Variants in ACTR3C observed in about 807,000 individuals in gnomAD.
The protein encoded by ACTR3C is actin-related protein 3C.
A neutral mutation model predicts 26.3 loss-of-function variants in ACTR3C; 18 were observed. That is an observed-to-expected ratio of 0.68 (90% CI 0.47 to 1.01). The LOEUF (loss-of-function observed/expected upper bound fraction) is 1.01. ACTR3C is among the 50% of genes least tolerant of loss of function. The pLI, the probability that ACTR3C is intolerant of heterozygous loss-of-function variation, is 0.00. For synonymous variants in ACTR3C, 55 were observed against 94.5 expected (o/e 0.58, Z 2.42); for missense variants, 184 against 250.7 (o/e 0.73, Z 1.80).
the ACTR3C span, among the ~76,000 whole-genome samples, chr7:150,120,167 CAAAA>C: frequency 8.0e-3 from 1,213 of 152,070 alleles, 14 homozygotes; most frequent in African/African-American, 0.027. Context: ...ACTCCACAAT[CAAAA>C]GAACTAGAAA....
At chr7:149,937,114 T>G in the ACTR3C span, among the ~76,000 whole-genome samples, 43 of 151,588 alleles carry the variant, frequency 2.8e-4, no homozygotes, top group Non-Finnish European at 4.7e-4. Flanking sequence ...ATCTGCAATA[T>G]AGACATATTA....
At chr7:150,286,036 C>T (rs1835744255) in intron 5 of ACTR3C, among the ~76,000 whole-genome samples, 1 of 152,198 alleles carries the variant, frequency 6.6e-6, no homozygotes, top group Admixed American at 6.5e-5. Context: ...AACCTCCATA[C>T]AGGCCTTGAG....
the ACTR3C span, among the ~76,000 whole-genome samples, chr7:150,047,402 C>T: frequency 1.3e-5 from 2 of 152,302 alleles, no homozygotes; most frequent in East Asian, 3.9e-4. Context: ...CTCCCGGCCG[C>T]CGCGGCTGCA....
chr7:150,035,019 G>T, the ACTR3C span, among the ~76,000 whole-genome samples: 9 of 129,750 alleles, frequency 6.9e-5, no homozygotes, highest in South Asian at 2.5e-4. Flanking sequence ...TCAGAGCCAG[G>T]GGGGGAAGAG....
the ACTR3C span, among the ~76,000 whole-genome samples, chr7:150,025,821 T>A: frequency 6.6e-6 from 1 of 151,872 alleles, no homozygotes; most frequent in African/African-American, 2.4e-5. Context: ...TTTTTCCCCA[T>A]CTTAGTCTGA....
At chr7:150,005,143 G>C in the ACTR3C span, 5 of 152,228 alleles carry the variant, frequency 3.3e-5, no homozygotes, top group African/African-American at 7.2e-5. Context: ...GGTCATCTGA[G>C]TAAAGGATAT....
chr7:150,161,001 C>T, the ACTR3C span, among the ~76,000 whole-genome samples: 1 of 150,136 alleles, frequency 6.7e-6, no homozygotes, highest in African/African-American at 2.5e-5. Flanking sequence ...ATAAGGTGGG[C>T]AGTGAGCCAG....
the ACTR3C span, among the ~76,000 whole-genome samples, chr7:150,109,610 C>G: frequency 1.3e-5 from 2 of 148,718 alleles, no homozygotes; most frequent in Admixed American, 6.6e-5. Flanking sequence ...TCGGCATTTG[C>G]TTCCAAACAC....
chr7:150,139,503 A>G, the ACTR3C span, among the ~76,000 whole-genome samples: 1 of 152,270 alleles, frequency 6.6e-6, no homozygotes, highest in Non-Finnish European at 1.5e-5. Context: ...CCATGATGAG[A>G]GACCTAGATA....
chr7:150,195,661 T>G, the ACTR3C span, among the ~76,000 whole-genome samples: 2 of 152,222 alleles, frequency 1.3e-5, no homozygotes, highest in East Asian at 3.9e-4. Flanking sequence ...GGTGGATCAC[T>G]TCAGCTCAGG....
At chr7:150,101,550 C>T in the ACTR3C span, among the ~76,000 whole-genome samples, 6 of 151,710 alleles carry the variant, frequency 4.0e-5, no homozygotes, top group Non-Finnish European at 7.4e-5. Flanking sequence ...ACTCAACTCA[C>T]GTGGTGCCCA....
the ACTR3C span, among the ~76,000 whole-genome samples, chr7:150,236,548 A>C: frequency 1.3e-5 from 2 of 152,224 alleles, no homozygotes; most frequent in Non-Finnish European, 2.9e-5. Flanking sequence ...AAAGTAAGTA[A>C]ATGCAAGTAA....
chr7:150,112,658 A>G, the ACTR3C span, among the ~76,000 whole-genome samples: 1 of 152,112 alleles, frequency 6.6e-6, no homozygotes, highest in African/African-American at 2.4e-5. Context: ...CCATCAAGGG[A>G]AAAAAAGGAG....
chr7:150,027,801 T>C, the ACTR3C span, among the ~76,000 whole-genome samples: 1 of 152,184 alleles, frequency 6.6e-6, no homozygotes, highest in Admixed American at 6.5e-5. Flanking sequence ...AAAAACAAAA[T>C]ACTGTGCTTA....
chr7:150,162,835 C>T, the ACTR3C span, among the ~76,000 whole-genome samples: 7 of 152,116 alleles, frequency 4.6e-5, no homozygotes, highest in East Asian at 7.7e-4. Context: ...GACGGTACCA[C>T]GAGTAGAGCA....
At chr7:150,234,132 G>A in the ACTR3C span, among the ~76,000 whole-genome samples, 2 of 152,114 alleles carry the variant, frequency 1.3e-5, no homozygotes, top group Non-Finnish European at 2.9e-5. Flanking sequence ...TCTTTTAGGT[G>A]TAATCCACAG....
At chr7:150,103,716 TG>T in the ACTR3C span, among the ~76,000 whole-genome samples, 2 of 151,968 alleles carry the variant, frequency 1.3e-5, no homozygotes, top group Non-Finnish European at 2.9e-5. Context: ...AAAATTGCCT[TG>T]TCATTTATTT....
chr7:150,024,151 G>A, the ACTR3C span, among the ~76,000 whole-genome samples: 20 of 151,044 alleles, frequency 1.3e-4, no homozygotes, highest in African/African-American at 4.4e-4. Flanking sequence ...GCCGCCCAGG[G>A]CACGAAGGAA....
At chr7:150,289,671 G>T (rs548255665) in intron 3 of ACTR3C, 78 bp from the exon 4 acceptor site, 172 of 1,569,456 alleles carry the variant, frequency 1.1e-4, no homozygotes, top group Non-Finnish European at 1.4e-4. Flanking sequence ...GAGGTTTCCT[G>T]CCTCAGCCTC....
Sources: allele counts gnomAD v4.1 joint callset (sites outside exome capture counted in the v4.1 genomes callset), GRCh38; gene constraint gnomAD v4.1.1; transcripts MANE v1.5; gene names NCBI Gene and HGNC (gene_info 2026-07-23, HGNC 2026-07-21).